Variants in GHR observed in about 807,000 individuals in gnomAD.
The protein encoded by GHR is GH receptor.
In GHR, 35 loss-of-function variants were observed where a neutral mutation model predicts 67.1. The ratio of observed to expected loss-of-function variants is 0.52; its 90% CI spans 0.40 to 0.69. The LOEUF is 0.69. GHR is among the 30% of genes least tolerant of loss of function. GHR has a pLI of 0.00. For synonymous variants in GHR, 272 were observed against 269.1 expected, an observed-to-expected ratio of 1.01 and a Z score of -0.10; for missense variants, 792 against 764.6, an observed-to-expected ratio of 1.04 and a Z score of -0.42.
chr5:42,698,978 C>T (rs547094962), intron 5 of GHR, among the ~76,000 whole-genome samples: 1 of 152,214 alleles, frequency 6.6e-6, no homozygotes, highest in East Asian at 1.9e-4. Flanking sequence ...AACAAATTTT[C>T]GTGGAACTGT....
intron 2 of GHR, among the ~76,000 whole-genome samples, chr5:42,627,674 G>A (rs1753771958): frequency 6.6e-6 from 1 of 152,254 alleles, no homozygotes; most frequent in Non-Finnish European, 1.5e-5. Context: ...AGACGGTCAG[G>A]TGCAAAGGCT....
chr5:42,507,054 T>G (rs1746807933), intron 1 of GHR, among the ~76,000 whole-genome samples: 1 of 152,222 alleles, frequency 6.6e-6, no homozygotes, highest in African/African-American at 2.4e-5. Context: ...TGAAAATACA[T>G]TAAAGTTCTT....
intron 1 of GHR, among the ~76,000 whole-genome samples, chr5:42,436,886 T>A (rs1037297409): frequency 6.6e-6 from 1 of 152,212 alleles, no homozygotes; most frequent in African/African-American, 2.4e-5. Context: ...TTATTTGAGC[T>A]TTGGCTCTGG....
intron 8 of GHR, among the ~76,000 whole-genome samples, chr5:42,717,391 A>T (rs995110503): frequency 8.5e-5 from 13 of 152,226 alleles, no homozygotes; most frequent in African/African-American, 2.7e-4. Flanking sequence ...TTTTATGACC[A>T]AAAAATAATT....
chr5:42,689,759 G>C lies in GHR; in HGVS notation c.266+740G>C, dbSNP rs149790898. ...GCCAAACCTCATAGGCAAGGGCAAG[G>C]CTTTGAATTTTACTTTATTTGTGGT... On this transcript the variant is annotated intron_variant, in intron 4 of 9. Coordinates refer to ENST00000230882, the MANE Select transcript of GHR (RefSeq NM_000163.5). Among the ~76,000 whole-genome samples, 9 of 152,302 alleles carry C rather than the reference G, an allele frequency of 5.9e-5. No individual in the cohort carries two copies. In the East Asian group the frequency reaches 1.7e-3, roughly 29 times the overall value.
chr5:42,456,281 A>C (rs1744256579), intron 1 of GHR, among the ~76,000 whole-genome samples: 1 of 152,256 alleles, frequency 6.6e-6, no homozygotes, highest in African/African-American at 2.4e-5. Context: ...ACTGCACTGC[A>C]GCCTGGTGAC....
In GHR at chr5:42,716,714, T is replaced by TGA. The variant is rs1758740490; in HGVS notation, c.876-1338_876-1337insGA. On this transcript the variant is annotated intron_variant, in intron 8 of 9. Transcript: ENST00000230882. ...CTGTAATTCATCAGTAACAATATGC[T>TGA]TTAACATTTGCCCCACTGAGTAGTA... Among the ~76,000 whole-genome samples the TGA allele has an allele frequency of 3.9e-5, 6 of 152,336 alleles. 1 individual carries two copies. The highest frequency in any genetic ancestry group is 3.3e-4 in the Admixed American group (5 of 15,292).
At chr5:42,637,412 T>C (rs1386368089) in intron 3 of GHR, among the ~76,000 whole-genome samples, 3 of 152,144 alleles carry the variant, frequency 2.0e-5, no homozygotes, top group Non-Finnish European at 4.4e-5. Flanking sequence ...ACCCAGGTAT[T>C]GAGCATATTA....
intron 1 of GHR, among the ~76,000 whole-genome samples, chr5:42,525,795 G>C (rs1393376130): frequency 6.6e-6 from 1 of 152,176 alleles, no homozygotes; most frequent in Non-Finnish European, 1.5e-5. Flanking sequence ...AGTCTCCTGA[G>C]ATCTGAGGGG....
At chr5:42,593,793 C>A (rs1407874274) in intron 2 of GHR, among the ~76,000 whole-genome samples, 2 of 152,148 alleles carry the variant, frequency 1.3e-5, no homozygotes, top group African/African-American at 4.8e-5. Flanking sequence ...AATAACTATT[C>A]TTGAGGCTCT....
At chr5:42,572,150 C>T (rs1750360207) in intron 2 of GHR, among the ~76,000 whole-genome samples, 2 of 152,132 alleles carry the variant, frequency 1.3e-5, no homozygotes, top group South Asian at 2.1e-4. Flanking sequence ...GAGTTGGTTC[C>T]TTTTAAACCT....
intron 3 of GHR, among the ~76,000 whole-genome samples, chr5:42,642,964 T>A (rs1754552524): frequency 6.6e-6 from 1 of 152,186 alleles, no homozygotes. Context: ...CTGTCTCTTT[T>A]AAGGACACCT....
chr5:42,556,553 A>C (rs1215134199), intron 1 of GHR, among the ~76,000 whole-genome samples: 4 of 152,170 alleles, frequency 2.6e-5, no homozygotes, highest in Non-Finnish European at 5.9e-5. Flanking sequence ...AGTCAATAAG[A>C]GGTTTCATTT....
At chr5:42,698,332 A>T (rs1757774902) in intron 5 of GHR, among the ~76,000 whole-genome samples, 2 of 152,306 alleles carry the variant, frequency 1.3e-5, no homozygotes, top group African/African-American at 4.8e-5. Context: ...CAAATGCAGC[A>T]TAAGTAATGA....
At chr5:42,581,958 G>A (rs1390166275) in intron 2 of GHR, among the ~76,000 whole-genome samples, 4 of 152,230 alleles carry the variant, frequency 2.6e-5, no homozygotes, top group South Asian at 4.1e-4. Context: ...CACCCGCTCC[G>A]GGGTGAAGCA....
rs573066738 is a variant in GHR at position 42,571,734 on chromosome 5, C to T, written c.70+5790C>T. Among the ~76,000 whole-genome samples, 5 of 152,302 alleles carry T rather than the reference C, an allele frequency of 3.3e-5. 1 individual carries two copies. In the South Asian group the frequency reaches 1.0e-3, roughly 32 times the overall value. On this transcript the variant is annotated intron_variant, in intron 2 of 9. Transcript: ENST00000230882. ...GATAGAGTATATTTCTGGTCTTCCG[C>T]CTTAGATGCCAGCTCTTACGGGAAC... is the stretch of plus-strand genomic sequence containing the variant.
chr5:42,564,801 C>A (rs1287618262), intron 1 of GHR, among the ~76,000 whole-genome samples: 2 of 152,110 alleles, frequency 1.3e-5, no homozygotes, highest in African/African-American at 2.4e-5. Flanking sequence ...AAAAATGAAG[C>A]CAGTAGAGGA....
At chr5:42,640,275 A>G (rs1754400432) in intron 3 of GHR, among the ~76,000 whole-genome samples, 1 of 152,134 alleles carries the variant, frequency 6.6e-6, no homozygotes, top group Admixed American at 6.5e-5. Context: ...TCTCTTAAGT[A>G]TGACCTAACA....
intron 3 of GHR, among the ~76,000 whole-genome samples, chr5:42,640,802 A>G (rs1376412319): frequency 1.3e-5 from 2 of 152,000 alleles, no homozygotes; most frequent in Admixed American, 6.6e-5. Context: ...ATTGCCATGT[A>G]TTTCTACCAA....
Sources: gnomAD v4.1 joint callset for allele counts (sites outside exome capture counted in the v4.1 genomes callset) on GRCh38, gnomAD v4.1.1 for gene constraint, MANE v1.5 for transcripts, NCBI Gene and HGNC (gene_info 2026-07-23, HGNC 2026-07-21) for gene names.